CCDC178: variants seen among roughly 807,000 people sequenced by gnomAD.
CCDC178 encodes coiled-coil domain containing 178.
Under a neutral mutation model 117.4 loss-of-function variants are expected in CCDC178, and 126 were observed. The ratio of observed to expected loss-of-function variants is 1.07; its 90% CI spans 0.93 to 1.24. The LOEUF is 1.24. Among genes scored for constraint, CCDC178 ranks in the 50% most tolerant of loss-of-function variants. The pLI is 0.00. For synonymous variants in CCDC178, 283 were observed against 313.4 expected (o/e 0.90, Z 1.02); for missense variants, 1,030 against 986.9 (o/e 1.04, Z -0.59).
intron 6 of CCDC178, among the ~76,000 whole-genome samples, chr18:33,368,171 G>C (rs1203074186): frequency 6.6e-6 from 1 of 151,884 alleles, no homozygotes; most frequent in Admixed American, 6.6e-5. Flanking sequence ...CTATGCCCTA[G>C]AATTCTCATC....
intron 21 of CCDC178, among the ~76,000 whole-genome samples, chr18:33,002,928 A>G (rs189813364): frequency 4.2e-4 from 64 of 152,276 alleles, no homozygotes; most frequent in African/African-American, 1.4e-3. Context: ...AAAGCCTAGA[A>G]GAAATGGATA....
intron 21 of CCDC178, among the ~76,000 whole-genome samples, chr18:33,051,970 GA>G (rs2144929780): frequency 6.6e-6 from 1 of 152,244 alleles, no homozygotes; most frequent in African/African-American, 2.4e-5. Context: ...AATATTACCA[GA>G]ATTAAACAAT....
At chr18:33,435,902 T>C (rs931872598) in intron 2 of CCDC178, among the ~76,000 whole-genome samples, 1 of 151,914 alleles carries the variant, frequency 6.6e-6, no homozygotes. Context: ...CAGATCTACG[T>C]GAGGAAAACC....
chr18:33,239,555 T>G (rs1342818678), intron 15 of CCDC178, among the ~76,000 whole-genome samples: 1 of 144,772 alleles, frequency 6.9e-6, no homozygotes, highest in East Asian at 2.0e-4. Flanking sequence ...TGAGCAAGAA[T>G]AGCTGTACTT....
intron 2 of CCDC178, among the ~76,000 whole-genome samples, chr18:33,424,308 A>C (rs778421518): frequency 2.0e-4 from 31 of 152,348 alleles, no homozygotes; most frequent in Middle Eastern, 6.8e-3. Context: ...TATTTGAAAA[A>C]TAACGACTTG....
intron 11 of CCDC178, among the ~76,000 whole-genome samples, chr18:33,318,467 A>T (rs73955111): frequency 0.066 from 9,985 of 152,264 alleles, 1,061 homozygotes; most frequent in African/African-American, 0.23. Context: ...TTAAATAGAT[A>T]ATAAGCCAGA....
At chr18:33,338,033 T>G (rs2062764848) in intron 9 of CCDC178, among the ~76,000 whole-genome samples, 1 of 152,050 alleles carries the variant, frequency 6.6e-6, no homozygotes, top group South Asian at 2.1e-4. Context: ...ATCCAAAATC[T>G]ACAAAGAACT....
At chr18:33,302,585 T>A (rs780520677) in intron 11 of CCDC178, among the ~76,000 whole-genome samples, 31 of 152,144 alleles carry the variant, frequency 2.0e-4, no homozygotes, top group Non-Finnish European at 3.8e-4. Context: ...CACTACACTA[T>A]GCACAATAGC....
At chr18:32,962,624 G>GT (rs1850059721) in intron 22 of CCDC178, among the ~76,000 whole-genome samples, 1 of 151,952 alleles carries the variant, frequency 6.6e-6, no homozygotes, top group African/African-American at 2.4e-5. Flanking sequence ...GATGTTAGAG[G>GT]TAATTTTTTG....
intron 2 of CCDC178, among the ~76,000 whole-genome samples, chr18:33,420,591 G>T (rs1255838385): frequency 6.6e-6 from 1 of 152,170 alleles, no homozygotes. Flanking sequence ...CTGACCTCAG[G>T]TGATCCATCT....
At chr18:33,063,634 C>T (rs1161430229) in intron 21 of CCDC178, among the ~76,000 whole-genome samples, 1 of 152,140 alleles carries the variant, frequency 6.6e-6, no homozygotes, top group East Asian at 1.9e-4. Context: ...GTACACAGAG[C>T]CCAAGGGACC....
intron 2 of CCDC178, among the ~76,000 whole-genome samples, chr18:33,430,937 C>T (rs934892527): frequency 6.6e-6 from 1 of 151,918 alleles, no homozygotes; most frequent in South Asian, 2.1e-4. Context: ...TAGCCGGGCG[C>T]GGTGGTGGGC....
intron 10 of CCDC178, among the ~76,000 whole-genome samples, chr18:33,328,768 T>C (rs1485024115): frequency 6.6e-6 from 1 of 152,174 alleles, no homozygotes; most frequent in African/African-American, 2.4e-5. Context: ...TTTAACAAGA[T>C]TATTTTTGCT....
chr18:33,221,902 TA>T (rs2059239326), intron 18 of CCDC178, among the ~76,000 whole-genome samples: 1 of 152,070 alleles, frequency 6.6e-6, no homozygotes, highest in African/African-American at 2.4e-5. Context: ...GTAGTTGGCT[TA>T]AAATTTAAAG....
At chr18:33,269,291 A>G (rs1163469102) in intron 12 of CCDC178, among the ~76,000 whole-genome samples, 1 of 151,828 alleles carries the variant, frequency 6.6e-6, no homozygotes, top group East Asian at 1.9e-4. Flanking sequence ...TAACAAACTA[A>G]AAAGGGAAAG....
chr18:33,218,219 TA>T (rs1392864800), intron 18 of CCDC178, among the ~76,000 whole-genome samples: 8 of 152,090 alleles, frequency 5.3e-5, no homozygotes, highest in African/African-American at 1.7e-4. Flanking sequence ...ATTACTAGGT[TA>T]AAAACAATAT....
At chr18:33,047,217 GA>G (rs1022662771) in intron 21 of CCDC178, among the ~76,000 whole-genome samples, 3 of 151,524 alleles carry the variant, frequency 2.0e-5, no homozygotes, top group Non-Finnish European at 4.4e-5. Context: ...AGAACCAAAA[GA>G]AAAAAAATAC....
intron 20 of CCDC178, among the ~76,000 whole-genome samples, chr18:33,093,207 A>G (rs113683831): frequency 3.3e-5 from 5 of 151,958 alleles, no homozygotes; most frequent in African/African-American, 9.7e-5. Flanking sequence ...ACTTCCCTCT[A>G]TCATGCCTTG....
intron 21 of CCDC178, among the ~76,000 whole-genome samples, chr18:33,032,528 G>A (rs1401185890): frequency 1.3e-5 from 2 of 152,024 alleles, no homozygotes; most frequent in African/African-American, 4.8e-5. Flanking sequence ...GCATTTTCTT[G>A]TATGTTTGCA....
Sources: gnomAD v4.1 joint callset for allele counts (sites outside exome capture counted in the v4.1 genomes callset) on GRCh38, gnomAD v4.1.1 for gene constraint, MANE v1.5 for transcripts, NCBI Gene and HGNC (gene_info 2026-07-23, HGNC 2026-07-21) for gene names.